The following DIP2B variants were observed in gnomAD, a reference collection of about 807,000 sequenced individuals.
The protein encoded by DIP2B is disco-interacting protein 2 homolog B.
DIP2B carries 76 observed loss-of-function variants against 198.0 expected under a neutral mutation model. The observed-to-expected ratio is 0.38, with a 90% confidence interval of 0.32 to 0.46. The LOEUF (loss-of-function observed/expected upper bound fraction) is 0.46, where lower values mean the gene tolerates loss of function less well. Ranked by LOEUF, DIP2B falls within the 20% of genes least tolerant of loss-of-function variation. DIP2B has a pLI of 0.99. For synonymous variants in DIP2B, 701 were observed against 739.1 expected, an observed-to-expected ratio of 0.95 and a Z score of 0.84; for missense variants, 1,559 against 1,978.4, an observed-to-expected ratio of 0.79 and a Z score of 4.02.
In DIP2B at chr12:50,748,276, T is replaced by C. The variant is rs1345824610; in HGVS notation, c.*3437T>C. 6.5e-6 allele frequency: 1 copy of C among 152,676 alleles called. No individual in the cohort carries two copies. The highest frequency in any genetic ancestry group is 1.9e-4 in the East Asian group (1 of 5,204). 9.5% of individuals were successfully genotyped at this position (152,676 alleles called of 1,614,324 possible). On this transcript the variant is annotated 3_prime_UTR_variant, in exon 38 of 38. Coordinates refer to ENST00000301180, the MANE Select transcript of DIP2B (RefSeq NM_173602.3). ...GATCTATGCCTTAGTGTTGTTTTTG[T>C]TGTCTGCTTTGATGTAAAAGCAAGA...
At chr12:50,591,501 GA>G (rs1406534303) in intron 1 of DIP2B, among the ~76,000 whole-genome samples, 6 of 151,914 alleles carry the variant, frequency 3.9e-5, no homozygotes, top group Non-Finnish European at 8.8e-5. Flanking sequence ...ACAGTGGCAT[GA>G]TCTCAGCTCA....
intron 19 of DIP2B, among the ~76,000 whole-genome samples, chr12:50,699,455 T>A (rs1281025489): frequency 6.6e-6 from 1 of 152,216 alleles, no homozygotes; most frequent in Non-Finnish European, 1.5e-5. Context: ...AGGATTGTTG[T>A]GAGCACTAAT....
At position 50,630,703 on chromosome 12, in the gene DIP2B, C is replaced by T. The variant is rs567625244; in HGVS notation, c.172+4656C>T. Among the ~76,000 whole-genome samples the T allele has an allele frequency of 4.7e-5, 5 of 106,664 alleles. No individual in the cohort carries two copies. In the South Asian group the frequency reaches 1.6e-3, roughly 35 times the overall value. 70.0% of individuals were successfully genotyped at this position (106,664 alleles called of 152,430 possible). On this transcript the variant is annotated intron_variant, in intron 2 of 37. Coordinates refer to ENST00000301180, the MANE Select transcript of DIP2B (RefSeq NM_173602.3). Reference sequence around the variant, plus strand: ...TTTTTTTTTTTGAGACAGAGTTTCACTCTTGTTGCCCAGGCTGGAGTGCAA... The same window carrying T: ...TTTTTTTTTTTGAGACAGAGTTTCATTCTTGTTGCCCAGGCTGGAGTGCAA...
chr12:50,634,017 T>G (rs1938112788), intron 2 of DIP2B, among the ~76,000 whole-genome samples: 1 of 152,296 alleles, frequency 6.6e-6, no homozygotes, highest in African/African-American at 2.4e-5. Context: ...ACGCTCCGAC[T>G]TTGAGAGGCA....
chr12:50,698,978 G>T, intron 18 of DIP2B, 88 bp from the exon 19 acceptor site: 1 of 1,487,170 alleles, frequency 6.7e-7, no homozygotes, highest in South Asian at 1.3e-5. Context: ...GTAAAGGCAG[G>T]ACTTTCTTGG....
rs543263916 is a variant in DIP2B, at chr12:50,658,884, C to G, written c.302-1310C>G. Among the ~76,000 whole-genome samples the G allele has an allele frequency of 8.5e-5, 13 of 152,144 alleles. No individual in the cohort carries two copies. The East Asian group carries it at 2.5e-3, about 29-fold the overall frequency. On this transcript the variant is annotated intron_variant, in intron 3 of 37. Coordinates refer to ENST00000301180, the MANE Select transcript of DIP2B (RefSeq NM_173602.3). ...CGGGCAGATGACAAGGTCAGGAGTT[C>G]AAGGCCAGCCTGACCAAGATGGTGA...
chr12:50,691,755 A>G (rs1734338174), intron 13 of DIP2B, among the ~76,000 whole-genome samples: 1 of 139,254 alleles, frequency 7.2e-6, no homozygotes, highest in Admixed American at 7.1e-5. Context: ...CCCTTAAATA[A>G]GGATTGATTA....
chr12:50,690,933 A>G (rs1261222625), intron 12 of DIP2B, 116 bp from the exon 13 acceptor site: 2 of 755,358 alleles, frequency 2.6e-6, no homozygotes, highest in Admixed American at 5.1e-5. Flanking sequence ...CATATTAAAC[A>G]TGTTAAATTC....
chr12:50,661,757 G>A (rs1938652501), intron 4 of DIP2B, among the ~76,000 whole-genome samples: 1 of 152,198 alleles, frequency 6.6e-6, no homozygotes, highest in Admixed American at 6.5e-5. Context: ...CAGTGTGGCT[G>A]AGGGTTCAGT....
chr12:50,708,330 T>C, intron 21 of DIP2B, 118 bp from the exon 22 acceptor site: 1 of 770,850 alleles, frequency 1.3e-6, no homozygotes, highest in Non-Finnish European at 2.2e-6. Flanking sequence ...TTTTCTTTTC[T>C]AAGCTACTCG....
chr12:50,544,975 T>C (rs1379418430), intron 1 of DIP2B, among the ~76,000 whole-genome samples: 2 of 152,100 alleles, frequency 1.3e-5, no homozygotes, highest in Non-Finnish European at 2.9e-5. Context: ...ACTGTAATAC[T>C]AGCACTTTGG....
chr12:50,537,759 CAG>C (rs1593589768), intron 1 of DIP2B, among the ~76,000 whole-genome samples: 1 of 152,114 alleles, frequency 6.6e-6, no homozygotes, highest in Non-Finnish European at 1.5e-5. Context: ...TCCAAAATGA[CAG>C]GGGTGATCAG....
intron 25 of DIP2B, among the ~76,000 whole-genome samples, chr12:50,719,712 G>C (rs898858008): frequency 3.3e-5 from 5 of 151,510 alleles, no homozygotes; most frequent in African/African-American, 4.8e-5. Context: ...GTGGTGGCGG[G>C]CACCTGTAAT....
chr12:50,566,315 C>T (rs1350445469), intron 1 of DIP2B, among the ~76,000 whole-genome samples: 2 of 152,212 alleles, frequency 1.3e-5, no homozygotes, highest in African/African-American at 4.8e-5. Context: ...GCTGAGATTA[C>T]AGGCTTGAGC....
At chr12:50,718,860 G>A (rs1164627572) in intron 24 of DIP2B, 42 bp downstream of exon 24, 1 of 1,611,950 alleles carries the variant, frequency 6.2e-7, no homozygotes, top group Admixed American at 1.7e-5. Context: ...GTCAAGTCAA[G>A]GACAGAACTT....
intron 1 of DIP2B, among the ~76,000 whole-genome samples, chr12:50,511,699 C>G (rs886402611): frequency 5.9e-5 from 9 of 151,550 alleles, no homozygotes; most frequent in African/African-American, 1.9e-4. Flanking sequence ...CCTGTAATCC[C>G]AGCACTTTGG....
rs1383577461 is a variant in DIP2B at position 50,744,902 on chromosome 12, T to G, written c.*63T>G. On this transcript the variant is annotated 3_prime_UTR_variant, in exon 38 of 38. Coordinates refer to ENST00000301180, the MANE Select transcript of DIP2B (RefSeq NM_173602.3). ...ATCACAAAGACAGAAGACCTCTGGC[T>G]AAGAGCAGGCTTCAAACGATGTGAA... 5.1e-6 allele frequency: 8 copies of G among 1,582,022 alleles called. No individual in the cohort carries two copies. The highest frequency in any genetic ancestry group is 4.0e-5 in the African/African-American group (3 of 74,130).
intron 3 of DIP2B, among the ~76,000 whole-genome samples, chr12:50,652,065 G>A (rs1173545239): frequency 6.6e-6 from 1 of 151,814 alleles, no homozygotes; most frequent in African/African-American, 2.4e-5. Flanking sequence ...CTGTAATCCC[G>A]GCTGTTTGGA....
At chr12:50,622,459 T>A (rs1487703871) in intron 1 of DIP2B, among the ~76,000 whole-genome samples, 1 of 152,066 alleles carries the variant, frequency 6.6e-6, no homozygotes, top group African/African-American at 2.4e-5. Context: ...TGCAGAAAAA[T>A]TAGAAAATAA....
Sources: gnomAD v4.1 joint callset for allele counts (sites outside exome capture counted in the v4.1 genomes callset) on GRCh38, gnomAD v4.1.1 for gene constraint, MANE v1.5 for transcripts, NCBI Gene and HGNC (gene_info 2026-07-23, HGNC 2026-07-21) for gene names.